The following PRIM2 variants were observed in gnomAD, a reference collection of about 807,000 sequenced individuals.
PRIM2 encodes the protein DNA primase subunit 2.
PRIM2 carries 39 observed loss-of-function variants against 67.3 expected under a neutral mutation model. That is an observed-to-expected ratio of 0.58 (90% confidence interval 0.45 to 0.76). The LOEUF is 0.76. Among genes scored for constraint, PRIM2 ranks in the 30% least tolerant of loss-of-function variants. The pLI is 0.00. For missense variants in PRIM2, 398 were observed against 598.7 expected (o/e 0.66, Z 3.50); for synonymous variants, 143 against 198.7 (o/e 0.72, Z 2.36).
chr6:57,263,123 T>A, the PRIM2 span, among the ~76,000 whole-genome samples: 1 of 152,188 alleles, frequency 6.6e-6, no homozygotes, highest in Non-Finnish European at 1.5e-5. Context: ...GGAAACCACA[T>A]TTCCTACCAT....
chr6:57,315,250 G>C (rs907839715), upstream of PRIM2, among the ~76,000 whole-genome samples: 1 of 152,156 alleles, frequency 6.6e-6, no homozygotes, highest in African/African-American at 2.4e-5. Flanking sequence ...GCCACATATG[G>C]TGATCTTGAA....
At chr6:57,636,659 C>G (rs1467829082) in intron 13 of PRIM2, among the ~76,000 whole-genome samples, 1 of 152,206 alleles carries the variant, frequency 6.6e-6, no homozygotes, top group African/African-American at 2.4e-5. Flanking sequence ...AACAGCATCA[C>G]AGAGCCATGG....
intron 10 of PRIM2, among the ~76,000 whole-genome samples, chr6:57,546,048 T>G (rs1479501562): frequency 2.6e-5 from 4 of 152,182 alleles, no homozygotes; most frequent in Non-Finnish European, 4.4e-5. Flanking sequence ...ATAGGGTCAA[T>G]TGGTAACTGG....
chr6:57,532,223 T>C (rs1774906412), intron 8 of PRIM2, among the ~76,000 whole-genome samples, 188 bp from the exon 9 acceptor site: 1 of 152,228 alleles, frequency 6.6e-6, no homozygotes, highest in Non-Finnish European at 1.5e-5. Context: ...ATTTTTCTAT[T>C]ATTTTGGGGT....
intron 13 of PRIM2, among the ~76,000 whole-genome samples, chr6:57,636,749 G>C (rs1229072708): frequency 6.6e-6 from 1 of 152,230 alleles, no homozygotes; most frequent in African/African-American, 2.4e-5. Flanking sequence ...AAAAAAGGCA[G>C]TAGCCCCAGT....
chr6:57,634,906 G>C (rs1284034471), intron 13 of PRIM2, among the ~76,000 whole-genome samples: 1 of 152,022 alleles, frequency 6.6e-6, no homozygotes, highest in Admixed American at 6.5e-5. Flanking sequence ...AAATAAAAAG[G>C]CTGTTTGTAT....
At chr6:57,558,533 G>C (rs1377105898) in intron 10 of PRIM2, among the ~76,000 whole-genome samples, 58,515 of 151,782 alleles carry the variant, frequency 0.39, 11,498 homozygotes, top group East Asian at 0.62. Context: ...TACTCAAGTG[G>C]AGAGTCTTAC....
chr6:57,224,474 C>T, the PRIM2 span, among the ~76,000 whole-genome samples: 1 of 152,106 alleles, frequency 6.6e-6, no homozygotes, highest in Non-Finnish European at 1.5e-5. Context: ...TTTATGTCTA[C>T]AGTTCTAGCT....
At chr6:57,397,481 T>C (rs1770555499) in intron 7 of PRIM2, among the ~76,000 whole-genome samples, 1 of 152,178 alleles carries the variant, frequency 6.6e-6, no homozygotes, top group South Asian at 2.1e-4. Context: ...TCCAGAGCAT[T>C]TCACATTTCT....
chr6:57,527,767 GT>G (rs1344970446), intron 8 of PRIM2, among the ~76,000 whole-genome samples: 6 of 152,232 alleles, frequency 3.9e-5, no homozygotes, highest in Admixed American at 3.9e-4. Context: ...TAGCTGTGAT[GT>G]TTATTATCAC....
chr6:57,620,043 A>C (rs1322272981), intron 12 of PRIM2, among the ~76,000 whole-genome samples: 1 of 151,994 alleles, frequency 6.6e-6, no homozygotes, highest in African/African-American at 2.4e-5. Flanking sequence ...AAAAATGCAA[A>C]AAGTTAGCTG....
intron 5 of PRIM2, among the ~76,000 whole-genome samples, chr6:57,370,287 A>G (rs973647044): frequency 2.0e-5 from 3 of 152,206 alleles, no homozygotes; most frequent in African/African-American, 7.2e-5. Flanking sequence ...AACCTAAATA[A>G]ATGAAATATC....
intron 8 of PRIM2, among the ~76,000 whole-genome samples, chr6:57,530,063 A>G (rs1364992359): frequency 2.6e-5 from 4 of 152,092 alleles, no homozygotes; most frequent in Non-Finnish European, 5.9e-5. Flanking sequence ...TAATCTATTA[A>G]TCCTCTATCC....
the PRIM2 span, among the ~76,000 whole-genome samples, chr6:57,294,836 G>C: frequency 6.7e-6 from 1 of 149,092 alleles, no homozygotes; most frequent in African/African-American, 2.5e-5. Context: ...TTGAGACACA[G>C]TCTCACTCTG....
chr6:57,402,858 A>G (rs545604276), intron 7 of PRIM2, among the ~76,000 whole-genome samples: 1 of 152,170 alleles, frequency 6.6e-6, no homozygotes, highest in East Asian at 1.9e-4. Context: ...AGAAATACAT[A>G]TTAGTAATTT....
chr6:57,330,429 A>T (rs1403472882), intron 5 of PRIM2, among the ~76,000 whole-genome samples: 2 of 125,048 alleles, frequency 1.6e-5, no homozygotes, highest in African/African-American at 6.3e-5. Flanking sequence ...CCGAGGCTGG[A>T]GTGCAAGCTC....
At chr6:57,457,851 G>A (rs71221652) in intron 7 of PRIM2, among the ~76,000 whole-genome samples, 81,153 of 152,008 alleles carry the variant, frequency 0.53, 22,253 homozygotes, top group South Asian at 0.63. Context: ...GGTTGGAAAC[G>A]CAGAAATCAC....
chr6:57,318,380 T>C, intron 1 of PRIM2, 57 bp from the exon 2 acceptor site: 2 of 1,480,008 alleles, frequency 1.4e-6, no homozygotes, highest in Non-Finnish European at 1.8e-6. Flanking sequence ...TTTTTTCTTT[T>C]TTTTCCCCCA....
intron 10 of PRIM2, among the ~76,000 whole-genome samples, chr6:57,551,879 A>G (rs1202170342): frequency 6.6e-6 from 1 of 152,180 alleles, no homozygotes; most frequent in Non-Finnish European, 1.5e-5. Flanking sequence ...TTTTGCCACA[A>G]CGTAAGTTTT....
Sources: allele counts gnomAD v4.1 joint callset (sites outside exome capture counted in the v4.1 genomes callset), GRCh38; gene constraint gnomAD v4.1.1; transcripts MANE v1.5; gene names NCBI Gene and HGNC (gene_info 2026-07-23, HGNC 2026-07-21).